Variants in RALA observed in about 807,000 individuals in gnomAD.
RALA encodes the protein ras-related protein Ral-A.
RALA carries 5 observed loss-of-function variants against 24.0 expected under a neutral mutation model. The ratio of observed to expected loss-of-function variants is 0.21; its 90% CI spans 0.11 to 0.44. The LOEUF is 0.44. RALA is among the 20% of genes least tolerant of loss of function. The pLI is 0.99. For missense variants in RALA, 95 were observed against 241.2 expected, an observed-to-expected ratio of 0.39 and a Z score of 4.01; for synonymous variants, 77 against 83.8, an observed-to-expected ratio of 0.92 and a Z score of 0.44.
intron 1 of RALA, among the ~76,000 whole-genome samples, chr7:39,641,610 C>A (rs1246969392): frequency 2.0e-5 from 3 of 152,126 alleles, no homozygotes; most frequent in Non-Finnish European, 2.9e-5. Context: ...TATTTGGATT[C>A]CCAAGCTCTG....
intron 1 of RALA, among the ~76,000 whole-genome samples, chr7:39,646,963 A>C (rs1791934317): frequency 6.6e-6 from 1 of 152,230 alleles, no homozygotes; most frequent in African/African-American, 2.4e-5. Context: ...TTTTAATAGT[A>C]TATAAATGTT....
intron 4 of RALA, chr7:39,700,399 A>G (rs1372007365): frequency 6.6e-6 from 1 of 152,242 alleles, no homozygotes; most frequent in African/African-American, 2.4e-5. Context: ...GATGCTGGCC[A>G]TTATCCAAGG....
intron 4 of RALA, among the ~76,000 whole-genome samples, chr7:39,703,951 A>AG (rs1202081531): frequency 2.0e-5 from 3 of 152,116 alleles, no homozygotes; most frequent in Non-Finnish European, 2.9e-5. Context: ...AGATCACCTG[A>AG]GGTCAGGAGT....
At chr7:39,683,659 G>GGTTTC (rs764773197) in intron 1 of RALA, among the ~76,000 whole-genome samples, 17 of 152,224 alleles carry the variant, frequency 1.1e-4, no homozygotes, top group Non-Finnish European at 1.9e-4. Flanking sequence ...TCTTTTCCTG[G>GGTTTC]ATAGCCTCTT....
intron 1 of RALA, among the ~76,000 whole-genome samples, chr7:39,642,887 C>T (rs1461455457): frequency 6.6e-6 from 1 of 152,226 alleles, no homozygotes; most frequent in Admixed American, 6.5e-5. Context: ...CCCAAGCAGT[C>T]TGCCTGTTCA....
intron 1 of RALA, among the ~76,000 whole-genome samples, chr7:39,635,994 T>G (rs563410022): frequency 7.1e-4 from 108 of 152,334 alleles, no homozygotes; most frequent in African/African-American, 2.5e-3. Context: ...TACTTTCACC[T>G]AACATAATGT....
At chr7:39,646,996 T>C (rs1488562726) in intron 1 of RALA, among the ~76,000 whole-genome samples, 2 of 152,226 alleles carry the variant, frequency 1.3e-5, no homozygotes, top group African/African-American at 2.4e-5. Flanking sequence ...AACCATTGTT[T>C]AGTGAGATCA....
At chr7:39,705,586 TCAAATA>T (rs1793106844) in intron 4 of RALA, among the ~76,000 whole-genome samples, 1 of 152,138 alleles carries the variant, frequency 6.6e-6, no homozygotes, top group African/African-American at 2.4e-5. Flanking sequence ...TGATAAATTC[TCAAATA>T]CAGAGTAACA....
At chr7:39,702,755 A>G (rs893874338) in intron 4 of RALA, among the ~76,000 whole-genome samples, 1 of 152,266 alleles carries the variant, frequency 6.6e-6, no homozygotes, top group Admixed American at 6.5e-5. Flanking sequence ...TAAGCCAGGA[A>G]CAGGCAGTTA....
chr7:39,668,020 AT>A (rs539885716), intron 1 of RALA, among the ~76,000 whole-genome samples: 170 of 152,378 alleles, frequency 1.1e-3, no homozygotes, highest in Middle Eastern at 6.8e-3. Context: ...GTGACATGAA[AT>A]TACACAAAAT....
chr7:39,696,561 A>T, intron 3 of RALA, 124 bp from the exon 4 acceptor site: 1 of 719,802 alleles, frequency 1.4e-6, no homozygotes. Flanking sequence ...TTGGTTCATT[A>T]ATTGTGATTT....
chr7:39,626,765 G>A (rs1450395039), intron 1 of RALA, among the ~76,000 whole-genome samples: 1 of 152,302 alleles, frequency 6.6e-6, no homozygotes, highest in East Asian at 1.9e-4. Context: ...TCTATTTGTA[G>A]TGACCTTTCC....
In RALA at chr7:39,690,499, A is replaced by G. The variant is rs1792796184; in HGVS notation, c.232A>G (p.Ile78Val). 1.2e-6 allele frequency: 2 copies of G among 1,613,924 alleles called. No homozygotes were observed. The highest frequency in any genetic ancestry group is 1.3e-5 in the African/African-American group (1 of 74,920). Residue 78 changes from isoleucine to valine, a missense_variant, in exon 3 of 5, where the codon ATT becomes GTT. Transcript: ENST00000005257. The stretch of plus-strand genomic sequence containing the variant: ...AGCTGGGCAGGAGGACTACGCTGCA[A>G]TTAGAGACAACTACTTCCGAAGTGG... ...DTAGQEDYAA[I>V]RDNYFRSGEG...
chr7:39,631,130 C>T (rs969967762), intron 1 of RALA, among the ~76,000 whole-genome samples: 2 of 151,822 alleles, frequency 1.3e-5, no homozygotes, highest in South Asian at 2.1e-4. Context: ...GCCTCAGCCT[C>T]CCATGTAGCT....
At chr7:39,688,827 A>G (rs1364793476) in intron 2 of RALA, among the ~76,000 whole-genome samples, 1 of 152,148 alleles carries the variant, frequency 6.6e-6, no homozygotes, top group Admixed American at 6.5e-5. Flanking sequence ...TAATTTATGA[A>G]TAAAAGAGAT....
chr7:39,664,613 A>T (rs910804960), intron 1 of RALA, among the ~76,000 whole-genome samples: 8 of 152,172 alleles, frequency 5.3e-5, no homozygotes, highest in Non-Finnish European at 1.0e-4. Context: ...ACCCCAATAG[A>T]GGAACATCAT....
At chr7:39,651,590 T>A (rs1792019359) in intron 1 of RALA, among the ~76,000 whole-genome samples, 1 of 152,152 alleles carries the variant, frequency 6.6e-6, no homozygotes, top group Admixed American at 6.5e-5. Flanking sequence ...TTTTTTTTTT[T>A]CCTGATTACA....
chr7:39,665,161 C>A (rs946543146), intron 1 of RALA, among the ~76,000 whole-genome samples: 2 of 152,070 alleles, frequency 1.3e-5, no homozygotes, highest in Non-Finnish European at 2.9e-5. Context: ...ACCTCCTCCA[C>A]CTCTTTTTCC....
intron 1 of RALA, among the ~76,000 whole-genome samples, chr7:39,645,596 C>T (rs1287614242): frequency 6.6e-6 from 1 of 152,104 alleles, no homozygotes; most frequent in Non-Finnish European, 1.5e-5. Context: ...TTAGGGGAGA[C>T]AGTGTGGTAT....
Sources: gnomAD v4.1 joint callset for allele counts (sites outside exome capture counted in the v4.1 genomes callset) on GRCh38, gnomAD v4.1.1 for gene constraint, MANE v1.5 for transcripts, NCBI Gene and HGNC (gene_info 2026-07-23, HGNC 2026-07-21) for gene names.